The following P3H1 variants were observed in gnomAD, a reference collection of about 807,000 sequenced individuals.
P3H1 encodes growth suppressor 1.
P3H1 carries 69 observed loss-of-function variants against 84.0 expected under a neutral mutation model. The ratio of observed to expected loss-of-function variants is 0.82; its 90% CI spans 0.68 to 1.00. The LOEUF (loss-of-function observed/expected upper bound fraction) is 1.00. Ranked by LOEUF, P3H1 falls within the 50% of genes least tolerant of loss-of-function variation. P3H1 has a pLI of 0.00. For synonymous variants in P3H1, 366 were observed against 388.8 expected (o/e 0.94, Z 0.69); for missense variants, 878 against 962.8 (o/e 0.91, Z 1.17).
At chr1:42,766,031 A>ACC (rs1652979285) in intron 1 of P3H1, among the ~76,000 whole-genome samples, 3 of 139,658 alleles carry the variant, frequency 2.1e-5, no homozygotes, top group Non-Finnish European at 3.0e-5. Context: ...CCACACACAC[A>ACC]CAGAAAGGGC....
intron 10 of P3H1, chr1:42,751,786 CG>C (rs1652107662): frequency 5.0e-6 from 1 of 198,350 alleles, no homozygotes; most frequent in African/African-American, 2.3e-5. Context: ...TGCCCAGTCT[CG>C]GGTACGTCTT....
chr1:42,747,890 G>A lies in P3H1; in HGVS notation c.1839-92C>T. On this transcript the variant is annotated intron_variant, in intron 12 of 14. Coordinates refer to ENST00000296388, the MANE Select transcript of P3H1 (RefSeq NM_022356.4). ...CAGGTGCTCTCAACCAGCAGCAGGA[G>A]GGTGGCTTTGTGTGGGAGGGAAACC... The A allele has an allele frequency of 4.8e-6, 6 of 1,262,956 alleles. No homozygotes were observed. In the South Asian group the frequency reaches 6.0e-5, roughly 13 times the overall value. 78.2% of individuals were successfully genotyped at this position (1,262,956 alleles called of 1,614,324 possible). A position where few individuals can be genotyped will look rare whatever the true frequency, so the allele number is the denominator to read the frequency against.
rs552628934 is a variant in P3H1, at chr1:42,763,930, G to A, written c.466-1455C>T. 3.7e-3 allele frequency among the ~76,000 whole-genome samples: 561 copies of A among 151,992 alleles called. 2 individuals are homozygous for A. Among genetic ancestry groups the A allele is most frequent in the African/African-American group, 0.013 (542 of 41,470 alleles). On this transcript the variant is annotated intron_variant, in intron 1 of 14. Transcript: ENST00000296388. ...GAGGCTGAGGCGGGCGGATCATGAG[G>A]TCAGGAGTTTGAGACCAGCGGATCA... is the stretch of plus-strand genomic sequence containing the variant.
chr1:42,765,929 G>GTACA (rs1439219108), intron 1 of P3H1, among the ~76,000 whole-genome samples: 1 of 151,632 alleles, frequency 6.6e-6, no homozygotes, highest in Non-Finnish European at 1.5e-5. Context: ...AAGCCCAAGT[G>GTACA]TACACTTGGA....
At chr1:42,764,108 C>A (rs1240273852) in intron 1 of P3H1, among the ~76,000 whole-genome samples, 1 of 151,888 alleles carries the variant, frequency 6.6e-6, no homozygotes, top group Non-Finnish European at 1.5e-5. Flanking sequence ...CTAGCTTGGG[C>A]AACAAGAGCG....
intron 13 of P3H1, 143 bp downstream of exon 13, chr1:42,747,580 C>G: frequency 9.1e-7 from 1 of 1,101,806 alleles, no homozygotes; most frequent in Non-Finnish European, 1.4e-6. Flanking sequence ...GTGATGGACA[C>G]GTCTCAAAGC....
rs1653032384 is a variant in P3H1 at position 42,766,815 on chromosome 1, C to CAT, written c.156_157insAT (p.Gly53MetfsTer5). On this transcript the variant is annotated frameshift_variant, in exon 1 of 15. Transcript: ENST00000296388. LOFTEE classifies it high-confidence loss of function. ...GCCCGTTCCATGCTCAGGACCACCC[C>CAT]GGGCCAGTCCCCGCGCGCGTAGGCT... The CAT allele has an allele frequency of 6.2e-7, 1 of 1,603,418 alleles. No homozygotes were observed. The highest frequency in any genetic ancestry group is 8.5e-7 in the Non-Finnish European group (1 of 1,179,630).
chr1:42,766,590 C>CCGGCGGCCCGAGG lies in P3H1; in HGVS notation c.369_381dup (p.Ala128ProfsTer52). On this transcript the variant is annotated frameshift_variant, in exon 1 of 15. Coordinates refer to ENST00000296388, the MANE Select transcript of P3H1 (RefSeq NM_022356.4). LOFTEE classifies it high-confidence loss of function. Reference sequence around the variant, plus strand: ...ATCTCTTCGCTGAGCGAGTGGGCGGCCGGCGGCCCGAGGCAGCGGCGCAGG... The same window carrying CCGGCGGCCCGAGG: ...ATCTCTTCGCTGAGCGAGTGGGCGGCCGGCGGCCCGAGGCGGCGGCCCGAGGCAGCGGCGCAGG... The CCGGCGGCCCGAGG allele has an allele frequency of 3.1e-6, 5 of 1,610,168 alleles. No individual in the cohort carries two copies. The highest frequency in any genetic ancestry group is 4.2e-6 in the Non-Finnish European group (5 of 1,178,692).
At chr1:42,758,750 A>G (rs947724455) in intron 4 of P3H1, 102 bp downstream of exon 4, 19 of 1,393,782 alleles carry the variant, frequency 1.4e-5, no homozygotes, top group Admixed American at 1.7e-5. Context: ...CTACTGAAAT[A>G]AGCCAAACAC....
In P3H1 at chr1:42,755,609, A is replaced by G; in HGVS notation, c.1109T>C (p.Leu370Pro). The change falls in exon 6 of 15, where the codon CTA becomes CCA. Residue 370 changes from leucine (L) to proline (P), a missense_variant. Transcript: ENST00000296388. The part of the protein sequence containing the change: ...ESAKEYRQRS[L>P]LEKELLFFAY... ...GAAGAAAAGCAGTTCTTTTTCCAGT[A>G]GGCTTCGCTGTCGGTACTCCTTGGC... 6.2e-7 allele frequency: 1 copy of G among 1,614,074 alleles called. No homozygotes were observed. Among genetic ancestry groups the G allele is most frequent in the Non-Finnish European group, 8.5e-7 (1 of 1,179,946 alleles).
At chr1:42,763,066 C>T (rs1652803161) in intron 1 of P3H1, among the ~76,000 whole-genome samples, 2 of 150,068 alleles carry the variant, frequency 1.3e-5, no homozygotes, top group African/African-American at 4.9e-5. Context: ...GCTTGGGTGA[C>T]ACAGCAGGAC....
intron 10 of P3H1, chr1:42,751,915 C>T (rs746821503): frequency 1.1e-4 from 39 of 347,998 alleles, no homozygotes; most frequent in South Asian, 1.9e-4. Context: ...CTGCTGCCCA[C>T]GCCCAATACC....
chr1:42,750,155 G>T, intron 11 of P3H1, 31 bp downstream of exon 11: 1 of 1,606,722 alleles, frequency 6.2e-7, no homozygotes, highest in East Asian at 2.2e-5. Flanking sequence ...CAGCATGCGG[G>T]GGCGGGTGCT....
In P3H1 at chr1:42,758,943, G is replaced by A. The variant is rs964056118; in HGVS notation, c.849C>T (p.Val283=). 6.2e-7 allele frequency: 1 copy of A among 1,614,186 alleles called. No individual in the cohort carries two copies. Among genetic ancestry groups the A allele is most frequent in the Admixed American group, 1.7e-5 (1 of 60,024 alleles). Reference sequence around the variant, plus strand: ...GACTTGGGTGGGAAGCAAGCTCCGTGACACAGTTCTGCTTACAGTTGAGGA... The same window carrying A: ...GACTTGGGTGGGAAGCAAGCTCCGTAACACAGTTCTGCTTACAGTTGAGGA... ...IQVLNCKQNC[V]TELASHPSRE... Residue 283 remains valine, a synonymous_variant, in exon 4 of 15, where the codon GTC becomes GTT. Transcript: ENST00000296388.
intron 7 of P3H1, 43 bp from the exon 8 acceptor site, chr1:42,755,033 C>T (rs1360730022): frequency 1.1e-5 from 18 of 1,614,110 alleles, no homozygotes; most frequent in South Asian, 4.4e-5. Flanking sequence ...CAGGGCCAGC[C>T]CTGGGCTCCA....
At chr1:42,751,561 T>A (rs1288559209) in intron 10 of P3H1, 3 of 110,304 alleles carry the variant, frequency 2.7e-5, no homozygotes, top group East Asian at 2.3e-4. Flanking sequence ...CCAAGAATGA[T>A]CAATAAAAAA....
In P3H1 at chr1:42,748,228, G is replaced by A; in HGVS notation, c.1810C>T (p.Pro604Ser). The change falls in exon 12 of 15, where the codon CCC becomes TCC. Residue 604 changes from proline to serine, a missense_variant. Physicochemically the swap from Pro to Ser is moderately conservative, Grantham distance 74. Transcript: ENST00000296388. ...NAETLVCVKE[P>S]PAYTFRDYSA... ...TAGTCGCGGAAGGTGTAGGCTGGGG[G>A]CTCTTTGACACACACGAGGGTCTCG... 3 of 1,613,816 alleles carry A rather than the reference G, an allele frequency of 1.9e-6. No individual in the cohort carries two copies. The highest frequency in any genetic ancestry group is 1.6e-4 in the Middle Eastern group (1 of 6,062).
chr1:42,763,596 C>T (rs753581675), intron 1 of P3H1, among the ~76,000 whole-genome samples: 4 of 145,308 alleles, frequency 2.8e-5, no homozygotes, highest in Admixed American at 1.4e-4. Flanking sequence ...CGCTTGAACC[C>T]GGGAGGCGGA....
At chr1:42,757,501 G>C (rs985155196) in intron 5 of P3H1, among the ~76,000 whole-genome samples, 1 of 152,194 alleles carries the variant, frequency 6.6e-6, no homozygotes, top group African/African-American at 2.4e-5. Context: ...GGTGCCAAGA[G>C]GGGAAAGAAT....
Sources: gnomAD v4.1 joint callset for allele counts (sites outside exome capture counted in the v4.1 genomes callset) on GRCh38, gnomAD v4.1.1 for gene constraint, MANE v1.5 for transcripts, NCBI Gene and HGNC (gene_info 2026-07-23, HGNC 2026-07-21) for gene names.